Variants in TNR observed in about 807,000 individuals in gnomAD.
The protein encoded by TNR is tenascin R.
TNR carries 45 observed loss-of-function variants against 150.4 expected under a neutral mutation model. The ratio of observed to expected loss-of-function variants is 0.30; its 90% CI spans 0.24 to 0.38. The LOEUF is 0.38. Ranked by LOEUF, TNR falls within the 10% of genes least tolerant of loss-of-function variation. TNR has a pLI of 1.00. For synonymous variants in TNR, 687 were observed against 678.4 expected (o/e 1.01, Z -0.20); for missense variants, 1,544 against 1,759.1 (o/e 0.88, Z 2.19).
intron 1 of TNR, among the ~76,000 whole-genome samples, chr1:175,734,147 G>A (rs1667714228): frequency 6.6e-6 from 1 of 152,154 alleles, no homozygotes; most frequent in Non-Finnish European, 1.5e-5. Context: ...CACTCCATGG[G>A]GAGAATGTAT....
At chr1:175,648,526 C>G (rs1558053450) in intron 1 of TNR, among the ~76,000 whole-genome samples, 1 of 152,096 alleles carries the variant, frequency 6.6e-6, no homozygotes, top group African/African-American at 2.4e-5. Flanking sequence ...TTAGTTCTCA[C>G]CATTTCAGAT....
At chr1:175,632,392 A>G (rs190443675) in intron 1 of TNR, among the ~76,000 whole-genome samples, 13 of 152,360 alleles carry the variant, frequency 8.5e-5, no homozygotes, top group Admixed American at 6.5e-4. Flanking sequence ...TCATCTCACC[A>G]CATGATCATT....
intron 22 of TNR, 68 bp downstream of exon 22, chr1:175,324,288 T>A: frequency 6.6e-7 from 1 of 1,511,270 alleles, no homozygotes; most frequent in South Asian, 1.3e-5. Context: ...GCTTTTAAAA[T>A]ATAAAGCTAA....
rs149037374 is a variant in TNR, at chr1:175,402,313, CAAAAA to C, written c.976+822_976+826del. Among the ~76,000 whole-genome samples, 5 of 41,694 alleles carry C rather than the reference CAAAAA, an allele frequency of 1.2e-4. No homozygotes were observed. In the South Asian group the frequency reaches 4.7e-3, roughly 40 times the overall value. The allele number at this position is 41,694 out of a possible 152,430, so 27.4% of individuals were successfully genotyped here. A position where few individuals can be genotyped will look rare whatever the true frequency, so the allele number is the denominator to read the frequency against. On this transcript the variant is annotated intron_variant, in intron 4 of 22. Transcript: ENST00000367674. Reference sequence around the variant, plus strand: ...TGGGCGACAGAGCGAGACTCCGTCTCAAAAAAAAAAAAAAAAAAAAAAAAAGGGAA... The same window carrying C: ...TGGGCGACAGAGCGAGACTCCGTCTCAAAAAAAAAAAAAAAAAAAAGGGAA...
In TNR at chr1:175,330,201, G is replaced by T. The variant is rs2101983858; in HGVS notation, c.3666C>A (p.Gly1222=). The T allele has an allele frequency of 6.2e-7, 1 of 1,609,130 alleles. No individual in the cohort carries two copies. Among genetic ancestry groups the T allele is most frequent in the Non-Finnish European group, 8.5e-7 (1 of 1,176,418 alleles). Residue 1222 remains glycine, a synonymous_variant, in exon 21 of 23, where the codon GGC becomes GGA. Transcript: ENST00000367674. ...GCATGTCCACGCGCAGCTCATAGCG[G>T]CCCTGGGATGTGATCCTGTGTATAT... is the stretch of plus-strand genomic sequence containing the variant. ...LDNIHRITSQ[G]RYELRVDMRD... is the part of the protein sequence containing the mutation.
chr1:175,700,913 C>T (rs569359034), intron 1 of TNR, among the ~76,000 whole-genome samples: 15 of 152,304 alleles, frequency 9.8e-5, no homozygotes, highest in African/African-American at 2.4e-4. Flanking sequence ...AGCCTTCGTC[C>T]GCCTCCCCGA....
Position 175,599,669 on chromosome 1 carries a change from T to TG in TNR, c.-164-71301dup, listed in dbSNP as rs1458373361. Among the ~76,000 whole-genome samples the TG allele has an allele frequency of 3.9e-5, 6 of 152,138 alleles. No individual in the cohort carries two copies. Among genetic ancestry groups the TG allele is most frequent in the Non-Finnish European group, 1.5e-5 (1 of 67,992 alleles). On this transcript the variant is annotated intron_variant, in intron 1 of 22. Transcript: ENST00000367674. This position sits in a 1 kb window ranked among gnomAD's most constrained non-coding sequence, Gnocchi z 4.7. ...CTAACTCCAGAGGCCGGCGGCTCCT[T>TG]GCGGTGGGGAGAGGAGGACAGAGGG... is the stretch of plus-strand genomic sequence containing the variant.
At chr1:175,723,559 C>T (rs140152514) in intron 1 of TNR, among the ~76,000 whole-genome samples, 44 of 152,244 alleles carry the variant, frequency 2.9e-4, no homozygotes, top group African/African-American at 7.9e-4. Flanking sequence ...AGAATATATA[C>T]GTATGTATTT....
At chr1:175,557,643 G>A (rs1172798966) in intron 1 of TNR, among the ~76,000 whole-genome samples, 1 of 151,172 alleles carries the variant, frequency 6.6e-6, no homozygotes, top group African/African-American at 2.4e-5. Context: ...AGAGGATGTG[G>A]AGAAATAGGA....
chr1:175,686,842 A>T (rs1666214719), intron 1 of TNR, among the ~76,000 whole-genome samples: 1 of 152,218 alleles, frequency 6.6e-6, no homozygotes, highest in Non-Finnish European at 1.5e-5. Context: ...ATGGCTGCGT[A>T]GTATTCCATG....
intron 5 of TNR, among the ~76,000 whole-genome samples, chr1:175,394,518 C>T (rs1054137528): frequency 1.3e-5 from 2 of 152,296 alleles, no homozygotes; most frequent in Middle Eastern, 3.4e-3. Context: ...TTCCTCCCAC[C>T]ACCCCTTCTC....
At chr1:175,361,405 C>A (rs1401027458) in intron 14 of TNR, among the ~76,000 whole-genome samples, 2 of 152,238 alleles carry the variant, frequency 1.3e-5, no homozygotes, top group Non-Finnish European at 2.9e-5. Flanking sequence ...TTCTGGCCAA[C>A]ACTTGTTGAT....
chr1:175,451,233 T>A (rs1307339660), intron 2 of TNR, among the ~76,000 whole-genome samples: 7 of 151,436 alleles, frequency 4.6e-5, no homozygotes, highest in African/African-American at 9.7e-5. Flanking sequence ...TTTATTTTTT[T>A]ATTATACTTT....
chr1:175,345,067 C>T (rs771338335), intron 18 of TNR, among the ~76,000 whole-genome samples: 6 of 151,984 alleles, frequency 3.9e-5, no homozygotes, highest in Non-Finnish European at 7.4e-5. Context: ...GAGATCAAGC[C>T]ACTGCACTCC....
intron 1 of TNR, among the ~76,000 whole-genome samples, chr1:175,649,737 C>A (rs1247000556): frequency 6.6e-6 from 1 of 152,142 alleles, no homozygotes; most frequent in African/African-American, 2.4e-5. Context: ...CTCCTTGCAG[C>A]CCTTATCTTC....
chr1:175,522,319 C>T (rs974006492), intron 2 of TNR, among the ~76,000 whole-genome samples: 2 of 152,174 alleles, frequency 1.3e-5, no homozygotes, highest in Admixed American at 6.5e-5. Flanking sequence ...TTTGAAACAT[C>T]GTATGTTCTC....
chr1:175,385,546 A>G (rs935690704), intron 8 of TNR, among the ~76,000 whole-genome samples: 1 of 152,212 alleles, frequency 6.6e-6, no homozygotes, highest in Non-Finnish European at 1.5e-5. Context: ...TTAGAGTTGT[A>G]CAGGCTGGGC....
chr1:175,544,025 G>T (rs1475122394), intron 1 of TNR, among the ~76,000 whole-genome samples: 1 of 152,166 alleles, frequency 6.6e-6, no homozygotes, highest in Non-Finnish European at 1.5e-5. Flanking sequence ...CAGGGCAGAG[G>T]GTGCAAGACA....
rs1302550441 is a variant in TNR at position 175,366,153 on chromosome 1, A to T, written c.2054-15T>A. 10 of 1,577,154 alleles carry T rather than the reference A, an allele frequency of 6.3e-6. No homozygotes were observed. Among genetic ancestry groups the T allele is most frequent in the Non-Finnish European group, 8.6e-6 (10 of 1,160,912 alleles). On this transcript the variant is annotated splice_polypyrimidine_tract_variant and intron_variant, in intron 10 of 22. Coordinates refer to ENST00000367674, the MANE Select transcript of TNR (RefSeq NM_003285.3). ...ACTGTCAAGTTCTGTGGATTGACATAAATGGCCTATTTTACATGTGTTCCC... is the reference window on the plus strand; with the variant it reads ...ACTGTCAAGTTCTGTGGATTGACATTAATGGCCTATTTTACATGTGTTCCC...
Sources: allele counts gnomAD v4.1 joint callset (sites outside exome capture counted in the v4.1 genomes callset), GRCh38; gene constraint gnomAD v4.1.1; non-coding constraint Gnocchi (gnomAD v3.1); transcripts MANE v1.5; gene names NCBI Gene and HGNC (gene_info 2026-07-23, HGNC 2026-07-21).